CCDC88A: variants seen among roughly 807,000 people sequenced by gnomAD.
CCDC88A encodes the protein coiled-coil and HOOK domain protein 88A, also known as girdin.
Under a neutral mutation model 234.3 loss-of-function variants are expected in CCDC88A, and 54 were observed. The observed-to-expected ratio is 0.23, with a 90% CI of 0.19 to 0.29. The LOEUF (loss-of-function observed/expected upper bound fraction) is 0.29. Ranked by LOEUF, CCDC88A falls within the 10% of genes least tolerant of loss-of-function variation. The pLI is 1.00. For missense variants in CCDC88A, 1,832 were observed against 2,123.4 expected, an observed-to-expected ratio of 0.86 and a Z score of 2.70; for synonymous variants, 753 against 737.8, an observed-to-expected ratio of 1.02 and a Z score of -0.33.
chr2:55,337,973 C>A (rs564508528), intron 13 of CCDC88A, among the ~76,000 whole-genome samples: 27 of 152,228 alleles, frequency 1.8e-4, no homozygotes, highest in African/African-American at 6.5e-4. Flanking sequence ...AATAATTAAT[C>A]AGGTTCTCAC....
chr2:55,390,034 C>CAA (rs1296981008), intron 2 of CCDC88A, among the ~76,000 whole-genome samples: 1 of 25,092 alleles, frequency 4.0e-5, no homozygotes, highest in East Asian at 1.3e-3. Flanking sequence ...GAGCGAGACT[C>CAA]AAAAAAAAAA....
intron 2 of CCDC88A, among the ~76,000 whole-genome samples, chr2:55,413,895 T>G (rs539148962): frequency 6.6e-6 from 1 of 151,760 alleles, no homozygotes; most frequent in East Asian, 1.9e-4. Context: ...AAGGCTGCAG[T>G]GAGCGGTGAT....
chr2:55,413,591 G>A (rs781192290), intron 2 of CCDC88A, among the ~76,000 whole-genome samples: 4 of 152,114 alleles, frequency 2.6e-5, no homozygotes, highest in Non-Finnish European at 4.4e-5. Flanking sequence ...TATCAAGAAT[G>A]TACTGTGTGT....
intron 29 of CCDC88A, among the ~76,000 whole-genome samples, chr2:55,299,426 A>G (rs1420195322): frequency 6.6e-6 from 1 of 152,180 alleles, no homozygotes; most frequent in Non-Finnish European, 1.5e-5. Context: ...CTCAAATTAA[A>G]CACAAAATCC....
At chr2:55,416,492 A>T (rs1454418) in intron 2 of CCDC88A, among the ~76,000 whole-genome samples, 1 of 66,572 alleles carries the variant, frequency 1.5e-5, no homozygotes, top group Non-Finnish European at 3.4e-5. Flanking sequence ...ATATATGTAT[A>T]TATTTTCTTC....
At chr2:55,364,895 C>A (rs1275083372) in intron 5 of CCDC88A, among the ~76,000 whole-genome samples, 1 of 152,122 alleles carries the variant, frequency 6.6e-6, no homozygotes, top group East Asian at 1.9e-4. Context: ...ACAAAATAGA[C>A]AGCACTGCCT....
Position 55,336,817 on chromosome 2 carries a change from A to C in CCDC88A, c.1520T>G (p.Val507Gly). 6.4e-7 allele frequency: 1 copy of C among 1,558,896 alleles called. No individual in the cohort carries two copies. The highest frequency in any genetic ancestry group is 8.7e-7 in the Non-Finnish European group (1 of 1,143,196). Reference protein sequence around the residue: ...EKENQRLSKKVEILENEIVQE... With the variant: ...EKENQRLSKKGEILENEIVQE... ...AACAATCTCATTTTCAAGAATCTCA[A>C]CCTAGAGAAAATTAAATCACAAAAC... Residue 507 changes from valine (V) to glycine (G), a missense_variant and splice_region_variant, in exon 14 of 33, where the codon GTT (valine) becomes GGT (glycine). This residue lies in a region of CCDC88A where 1,282 missense variants were observed against 1,543.6 expected (regional missense o/e 0.83). Coordinates refer to ENST00000436346, the MANE Select transcript of CCDC88A (RefSeq NM_001365480.1).
At chr2:55,325,148 A>G (rs1017725750) in intron 17 of CCDC88A, among the ~76,000 whole-genome samples, 1 of 152,214 alleles carries the variant, frequency 6.6e-6, no homozygotes, top group Non-Finnish European at 1.5e-5. Flanking sequence ...CAAGAGATCA[A>G]TCTGGGGAAA....
At chr2:55,368,643 T>C (rs1045116589) in intron 5 of CCDC88A, among the ~76,000 whole-genome samples, 3 of 152,114 alleles carry the variant, frequency 2.0e-5, no homozygotes, top group African/African-American at 7.2e-5. Context: ...TTCATGAATA[T>C]AGTATCTCTT....
At chr2:55,291,915 ATC>A (rs954227331) in intron 31 of CCDC88A, 140 bp from the exon 32 acceptor site, 33 of 524,860 alleles carry the variant, frequency 6.3e-5, no homozygotes, top group African/African-American at 5.9e-4. Flanking sequence ...TCTCATAGGC[ATC>A]TCAATACTTA....
At position 55,309,215 on chromosome 2, in the gene CCDC88A, T is replaced by C. The variant is rs1440335114; in HGVS notation, c.4119A>G (p.Leu1373=). 1.3e-6 allele frequency: 2 copies of C among 1,551,108 alleles called. No individual in the cohort carries two copies. The highest frequency in any genetic ancestry group is 2.3e-5 in the East Asian group (1 of 44,018). ...LNELRRQKEK[L]EEKIMDQYKF... is the part of the protein sequence containing the mutation. ...TGTATTGATCCATAATTTTCTCTTC[T>C]AGTTTCTCCTTCTGACGTCTTAATT... Residue 1373 remains leucine, a synonymous_variant, in exon 24 of 33, where the codon CTA becomes CTG. Transcript: ENST00000436346. This position sits in a 1 kb window ranked among gnomAD's most constrained non-coding sequence, Gnocchi z 5.1.
chr2:55,297,348 T>TATATATAAATATATATAATATATA, intron 29 of CCDC88A, among the ~76,000 whole-genome samples: 1 of 104,544 alleles, frequency 9.6e-6, no homozygotes, highest in South Asian at 2.3e-4. Context: ...ATTTATATAT[T>TATATATAAATATATATAATATATA]ATATATAAAT....
chr2:55,343,448 T>C (rs1166505873), intron 12 of CCDC88A, among the ~76,000 whole-genome samples, 200 bp downstream of exon 12: 2 of 152,096 alleles, frequency 1.3e-5, no homozygotes, highest in South Asian at 2.1e-4. Flanking sequence ...ATTGCATTCA[T>C]GAAATTCAGT....
intron 29 of CCDC88A, chr2:55,297,282 A>AT (rs1680166505): frequency 1.9e-4 from 5 of 26,826 alleles, no homozygotes; most frequent in Non-Finnish European, 7.4e-4. Flanking sequence ...TATATTATAT[A>AT]TAATATATAT....
rs768721890 is a variant in CCDC88A at position 55,374,925 on chromosome 2, A to C, written c.274-42T>G. 5.2e-6 allele frequency: 6 copies of C among 1,151,188 alleles called. No individual in the cohort carries two copies. The African/African-American group carries it at 6.0e-5, about 12-fold the overall frequency. The allele number at this position is 1,151,188 out of a possible 1,614,324, so 71.3% of individuals were successfully genotyped here. ...AACACTTGTTATATGGGTAATGCTA[A>C]CTAGATAATTATTCATCAAGCTATA... is the stretch of plus-strand genomic sequence containing the variant. On this transcript the variant is annotated intron_variant, in intron 3 of 32. Coordinates refer to ENST00000436346, the MANE Select transcript of CCDC88A (RefSeq NM_001365480.1).
intron 5 of CCDC88A, among the ~76,000 whole-genome samples, chr2:55,366,664 TA>T (rs1331731916): frequency 1.3e-5 from 2 of 152,014 alleles, no homozygotes; most frequent in Non-Finnish European, 1.5e-5. Context: ...GCATAAACCC[TA>T]AAGTTGTACA....
At chr2:55,371,675 T>G (rs141918113) in intron 5 of CCDC88A, among the ~76,000 whole-genome samples, 234 of 152,238 alleles carry the variant, frequency 1.5e-3, no homozygotes, top group Middle Eastern at 6.8e-3. Flanking sequence ...AAAACAGAAA[T>G]GGGGTTTCAT....
chr2:55,339,614 C>G lies in CCDC88A; in HGVS notation c.1368G>C (p.Glu456Asp). ...GCTTCAATAATCTACTTGATGTCAA[C>G]TCATTCACCTCATGGCCCAGGGATT... ...PQKSLGHEVNELTSSRLLKLE... is the reference protein window; with the variant it reads ...PQKSLGHEVNDLTSSRLLKLE... Residue 456 changes from glutamate to aspartate, a missense_variant, in exon 13 of 33, where the codon GAG becomes GAC. Around this residue, in one of 6 missense-constraint regions of CCDC88A, gnomAD observed 1,282 missense variants for 1,543.6 expected, o/e 0.83. Transcript: ENST00000436346. The G allele has an allele frequency of 1.2e-6, 2 of 1,611,604 alleles. No homozygotes were observed. The highest frequency in any genetic ancestry group is 1.7e-6 in the Non-Finnish European group (2 of 1,179,256).
intron 2 of CCDC88A, among the ~76,000 whole-genome samples, chr2:55,401,527 T>C (rs1179001126): frequency 1.5e-5 from 1 of 67,648 alleles, no homozygotes; most frequent in African/African-American, 4.1e-5. Flanking sequence ...TATATATATA[T>C]ATATATATAT....
Sources: allele counts gnomAD v4.1 joint callset (sites outside exome capture counted in the v4.1 genomes callset), GRCh38; gene constraint gnomAD v4.1.1; regional missense constraint gnomAD v4.1.1; non-coding constraint Gnocchi (gnomAD v3.1); transcripts MANE v1.5; gene names NCBI Gene and HGNC (gene_info 2026-07-23, HGNC 2026-07-21).